The following LRFN5 variants were observed in gnomAD, a reference collection of about 807,000 sequenced individuals.
The protein encoded by LRFN5 is leucine-rich repeat and fibronectin type-III domain-containing protein 5.
In LRFN5, 24 loss-of-function variants were observed where a neutral mutation model predicts 45.6. That is an observed-to-expected ratio of 0.53 (90% CI 0.38 to 0.74). The LOEUF is 0.74. LRFN5 is among the 30% of genes least tolerant of loss of function. The pLI, the probability that LRFN5 is intolerant of heterozygous loss-of-function variation, is 0.00. For missense variants in LRFN5, 776 were observed against 861.5 expected, an observed-to-expected ratio of 0.90 and a Z score of 1.24; for synonymous variants, 340 against 313.8, an observed-to-expected ratio of 1.08 and a Z score of -0.88.
chr14:41,847,706 T>C (rs1190389396), intron 2 of LRFN5, among the ~76,000 whole-genome samples: 2 of 152,120 alleles, frequency 1.3e-5, no homozygotes, highest in African/African-American at 2.4e-5. Flanking sequence ...TGGAGGAATA[T>C]ATATTTTGTT....
At chr14:41,635,210 T>C (rs1879245105) in intron 1 of LRFN5, among the ~76,000 whole-genome samples, 1 of 152,166 alleles carries the variant, frequency 6.6e-6, no homozygotes, top group Non-Finnish European at 1.5e-5. Context: ...TAAGAAACCA[T>C]GCTGAATTCT....
chr14:41,876,304 G>A (rs1427760380), intron 2 of LRFN5, among the ~76,000 whole-genome samples: 7 of 111,882 alleles, frequency 6.3e-5, no homozygotes, highest in South Asian at 6.0e-4. Context: ...TTTTTGAGAC[G>A]GAGTGTCGCT....
At chr14:41,650,119 G>A (rs1481824509) in intron 1 of LRFN5, among the ~76,000 whole-genome samples, 5 of 152,020 alleles carry the variant, frequency 3.3e-5, no homozygotes, top group Non-Finnish European at 7.4e-5. Context: ...CACAAGCCGA[G>A]CGTGGTGGCT....
chr14:41,800,818 C>T (rs1196765286), intron 2 of LRFN5, among the ~76,000 whole-genome samples: 1 of 151,332 alleles, frequency 6.6e-6, no homozygotes, highest in Non-Finnish European at 1.5e-5. Context: ...ATAAACATCA[C>T]TAGTATTGTC....
chr14:41,638,445 A>T (rs772479478), intron 1 of LRFN5, among the ~76,000 whole-genome samples: 3 of 152,118 alleles, frequency 2.0e-5, no homozygotes, highest in Non-Finnish European at 4.4e-5. Flanking sequence ...TTATTGCTTA[A>T]ATATACTTTT....
At chr14:41,893,025 T>C in intron 4 of LRFN5, 6 of 984,944 alleles carry the variant, frequency 6.1e-6, no homozygotes, top group Non-Finnish European at 4.8e-6. Flanking sequence ...TCTCATTATA[T>C]TTATAAGTCA....
At chr14:41,683,799 G>C (rs1298729307) in intron 1 of LRFN5, among the ~76,000 whole-genome samples, 3 of 152,000 alleles carry the variant, frequency 2.0e-5, no homozygotes, top group Non-Finnish European at 4.4e-5. Flanking sequence ...AACTGAAGAA[G>C]ATATACAAAA....
intron 1 of LRFN5, among the ~76,000 whole-genome samples, chr14:41,655,849 C>T (rs1880355340): frequency 6.6e-6 from 1 of 151,878 alleles, no homozygotes; most frequent in African/African-American, 2.4e-5. Flanking sequence ...GTTTTGAGCT[C>T]TGTTGTTGAG....
At chr14:41,704,408 T>TTCTCTCTCTCTCTCTCTCTC (rs141458106) in intron 1 of LRFN5, among the ~76,000 whole-genome samples, 19 of 102,340 alleles carry the variant, frequency 1.9e-4, no homozygotes, top group African/African-American at 7.5e-4. Context: ...TGTTATACTT[T>TTCTCTCTCTCTCTCTCTCTC]TCTCTCTCTC....
intron 3 of LRFN5, among the ~76,000 whole-genome samples, chr14:41,888,927 G>T (rs1024594069): frequency 6.6e-6 from 1 of 151,442 alleles, no homozygotes; most frequent in Non-Finnish European, 1.5e-5. Context: ...CCTAGGAAAT[G>T]ATGCAAAACC....
intron 1 of LRFN5, among the ~76,000 whole-genome samples, chr14:41,736,815 C>G (rs1884456802): frequency 6.6e-6 from 1 of 152,012 alleles, no homozygotes; most frequent in African/African-American, 2.4e-5. Context: ...AAGTCAAATC[C>G]CTGAATAGAC....
rs531116313 is a variant in LRFN5 at position 41,620,841 on chromosome 14, T to C, written c.-197+12279T>C. On this transcript the variant is annotated intron_variant, in intron 1 of 5. Coordinates refer to ENST00000298119, the MANE Select transcript of LRFN5 (RefSeq NM_152447.5). ...GGAATAAATAATTAGCTATAATGTC[T>C]ATATTAAACAAAGGAAGCAGATTCA... Among the ~76,000 whole-genome samples, 15 of 152,050 alleles carry C rather than the reference T, an allele frequency of 9.9e-5. No individual in the cohort carries two copies. In the South Asian group the frequency reaches 3.1e-3, roughly 32 times the overall value.
At chr14:41,821,608 T>C (rs1888114849) in intron 2 of LRFN5, among the ~76,000 whole-genome samples, 2 of 152,098 alleles carry the variant, frequency 1.3e-5, no homozygotes, top group South Asian at 4.1e-4. Flanking sequence ...GTTGTGTCAT[T>C]GCCTGGCTTT....
intron 2 of LRFN5, among the ~76,000 whole-genome samples, chr14:41,881,358 T>C (rs1211161869): frequency 1.3e-5 from 2 of 151,872 alleles, no homozygotes; most frequent in Non-Finnish European, 2.9e-5. Flanking sequence ...TTAAATATAT[T>C]ATTTCATTTT....
intron 1 of LRFN5, among the ~76,000 whole-genome samples, chr14:41,708,763 A>G (rs939809667): frequency 6.6e-5 from 10 of 150,944 alleles, no homozygotes; most frequent in Non-Finnish European, 1.5e-4. Context: ...CCTGTGGACT[A>G]GTAGCTAGAT....
chr14:41,827,470 A>G (rs537361747), intron 2 of LRFN5, among the ~76,000 whole-genome samples: 2 of 152,060 alleles, frequency 1.3e-5, no homozygotes, highest in Admixed American at 6.6e-5. Context: ...GTAAGTATAT[A>G]TTTTTATTTG....
intron 1 of LRFN5, chr14:41,742,571 C>G (rs577146339): frequency 6.6e-6 from 1 of 152,156 alleles, no homozygotes; most frequent in Non-Finnish European, 1.5e-5. Context: ...CAGGAAGATA[C>G]GTTGGAGCGA....
intron 2 of LRFN5, among the ~76,000 whole-genome samples, chr14:41,781,626 GAA>G (rs1566437396): frequency 4.6e-5 from 6 of 129,252 alleles, no homozygotes; most frequent in African/African-American, 1.8e-4. Flanking sequence ...GAGAAAGAAA[GAA>G]AGAAAGGAAA....
intron 2 of LRFN5, among the ~76,000 whole-genome samples, chr14:41,782,493 T>G (rs1886564407): frequency 6.6e-6 from 1 of 152,186 alleles, no homozygotes; most frequent in Non-Finnish European, 1.5e-5. Context: ...ATTCCCTCTT[T>G]GATAACTGCA....
Sources: gnomAD v4.1 joint callset for allele counts (sites outside exome capture counted in the v4.1 genomes callset) on GRCh38, gnomAD v4.1.1 for gene constraint, MANE v1.5 for transcripts, NCBI Gene and HGNC (gene_info 2026-07-23, HGNC 2026-07-21) for gene names.